UNKL: variants seen among roughly 807,000 people sequenced by gnomAD.
UNKL encodes the protein unk like zinc finger.
Under a neutral mutation model 78.0 loss-of-function variants are expected in UNKL, and 60 were observed. The ratio of observed to expected loss-of-function variants is 0.77; its 90% CI spans 0.63 to 0.95. The LOEUF (loss-of-function observed/expected upper bound fraction) is 0.95, where lower values mean the gene tolerates loss of function less well. Among genes scored for constraint, UNKL ranks in the 40% least tolerant of loss-of-function variants. UNKL has a pLI of 0.00. For synonymous variants in UNKL, 608 were observed against 474.8 expected, an observed-to-expected ratio of 1.28 and a Z score of -3.65; for missense variants, 1,159 against 1,045.7, an observed-to-expected ratio of 1.11 and a Z score of -1.49.
intron 6 of UNKL, chr16:1,394,452 G>A (rs1250975514): frequency 1.5e-6 from 1 of 680,258 alleles, no homozygotes. Context: ...CGCAGCATCT[G>A]CCCTCCCATC....
rs2036851706 is a variant in UNKL, at chr16:1,387,196, C to G, written c.1087-1811G>C. On this transcript the variant is annotated intron_variant, in intron 9 of 14. Coordinates refer to ENST00000389221, the MANE Select transcript of UNKL (RefSeq NM_001372107.1). This position sits in a 1 kb window ranked among gnomAD's most constrained non-coding sequence, Gnocchi z 4.1. ...CGGGGACCCTCCCAGCCATGCAACA[C>G]CGGGGACACTCCCAGCCATGCAACA... Among the ~76,000 whole-genome samples, 1 of 151,570 alleles carries G rather than the reference C, an allele frequency of 6.6e-6. No homozygotes were observed. Among genetic ancestry groups the G allele is most frequent in the African/African-American group, 2.4e-5 (1 of 40,996 alleles).
intron 10 of UNKL, among the ~76,000 whole-genome samples, chr16:1,377,506 C>CA (rs1314232034): frequency 6.6e-6 from 1 of 152,058 alleles, no homozygotes; most frequent in Non-Finnish European, 1.5e-5. Flanking sequence ...CCTCTGCCTC[C>CA]ACTCCCCCTG....
At chr16:1,411,631 C>G (rs1230115430) in intron 2 of UNKL, among the ~76,000 whole-genome samples, 1 of 152,128 alleles carries the variant, frequency 6.6e-6, no homozygotes, top group African/African-American at 2.4e-5. Context: ...TCAAGACCAG[C>G]CTGACCAACA....
In UNKL at chr16:1,371,678, G is replaced by A. The variant is rs187661112; in HGVS notation, c.1265-67C>T. ...TGCAGAGCTCAGGAAGCCTAGCTGA[G>A]GAGGACGACCGTCCCACCTGGGCTT... is the stretch of plus-strand genomic sequence containing the variant. On this transcript the variant is annotated intron_variant, in intron 10 of 14. Coordinates refer to ENST00000389221, the MANE Select transcript of UNKL (RefSeq NM_001372107.1). The A allele has an allele frequency of 1.6e-5, 24 of 1,487,458 alleles. No individual in the cohort carries two copies. The African/African-American group carries it at 2.2e-4, about 14-fold the overall frequency. 92.1% of individuals were successfully genotyped at this position (1,487,458 alleles called of 1,614,324 possible).
chr16:1,404,305 G>A (rs573599375), intron 2 of UNKL, among the ~76,000 whole-genome samples: 6 of 152,256 alleles, frequency 3.9e-5, no homozygotes, highest in South Asian at 4.2e-4. Context: ...TGAGGGCCCC[G>A]CCCACCTCAC....
chr16:1,381,494 C>G (rs942606022), intron 10 of UNKL, among the ~76,000 whole-genome samples: 1 of 152,144 alleles, frequency 6.6e-6, no homozygotes, highest in East Asian at 1.9e-4. Context: ...ATGGCACACA[C>G]CTGTAATCCC....
At chr16:1,406,838 T>C (rs2037786026) in intron 2 of UNKL, among the ~76,000 whole-genome samples, 2 of 152,060 alleles carry the variant, frequency 1.3e-5, no homozygotes, top group Admixed American at 6.6e-5. Context: ...GATCTTTTAA[T>C]AGAAAGATCA....
intron 2 of UNKL, among the ~76,000 whole-genome samples, chr16:1,406,470 C>T (rs2142245644): frequency 6.6e-6 from 1 of 152,258 alleles, no homozygotes; most frequent in South Asian, 2.1e-4. Flanking sequence ...GCCTTGGCAT[C>T]CCAAAGTGCT....
At chr16:1,413,722 T>C (rs2038152603) in intron 2 of UNKL, 124 bp downstream of exon 2, 4 of 1,112,930 alleles carry the variant, frequency 3.6e-6, no homozygotes, top group Non-Finnish European at 5.0e-6. Context: ...CAGCGTATAA[T>C]TACGACTCCC....
Position 1,401,692 on chromosome 16 carries a change from C to T in UNKL, c.474G>A (p.Gln158=). The T allele has an allele frequency of 2.5e-6, 4 of 1,609,444 alleles. No individual in the cohort carries two copies. The highest frequency in any genetic ancestry group is 3.4e-6 in the Non-Finnish European group (4 of 1,178,594). ...GGCCGTTCTGCAAGGCTTCCTGGGC[C>T]TGCAGCTCCCTGCAAGCCGAGGACA... The part of the protein sequence containing the change: ...RPPVCDVREL[Q]AQEALQNGQL... Residue 158 remains glutamine, a synonymous_variant, in exon 4 of 15, where the codon CAG becomes CAA. Transcript: ENST00000389221.
intron 4 of UNKL, among the ~76,000 whole-genome samples, chr16:1,400,268 A>G (rs1291083061): frequency 1.3e-5 from 2 of 151,806 alleles, no homozygotes; most frequent in African/African-American, 2.4e-5. Context: ...AAAATAAAAA[A>G]TTAGCCGGGC....
rs764648761 is a variant in UNKL at position 1,371,651 on chromosome 16, G to A, written c.1265-40C>T. 61 of 1,527,874 alleles carry A rather than the reference G, an allele frequency of 4.0e-5. 1 individual carries two copies. In the South Asian group the frequency reaches 4.7e-4, roughly 12 times the overall value. The allele number at this position is 1,527,874 out of a possible 1,614,324, so 94.6% of individuals were successfully genotyped here. A position where few individuals can be genotyped will look rare whatever the true frequency, so the allele number is the denominator to read the frequency against. On this transcript the variant is annotated intron_variant, in intron 10 of 14. Coordinates refer to ENST00000389221, the MANE Select transcript of UNKL (RefSeq NM_001372107.1). Reference sequence around the variant, plus strand: ...CCCCATCATCCACAGCCCACCCAGCGCTGCAGAGCTCAGGAAGCCTAGCTG... The same window carrying A: ...CCCCATCATCCACAGCCCACCCAGCACTGCAGAGCTCAGGAAGCCTAGCTG...
intron 10 of UNKL, among the ~76,000 whole-genome samples, chr16:1,378,549 CA>C (rs1230832637): frequency 6.6e-6 from 1 of 152,222 alleles, no homozygotes; most frequent in African/African-American, 2.4e-5. Context: ...AAGCTTCACC[CA>C]CCAGCTGCAG....
chr16:1,394,583 C>G (rs1396639957), intron 6 of UNKL: 1 of 456,240 alleles, frequency 2.2e-6, no homozygotes, highest in Non-Finnish European at 4.4e-6. Context: ...GTTCCCTGAT[C>G]AGACCCACTG....
chr16:1,372,998 A>G (rs1449266276), intron 10 of UNKL, among the ~76,000 whole-genome samples: 1 of 11,302 alleles, frequency 8.8e-5, no homozygotes, highest in Non-Finnish European at 1.3e-4. Context: ...GGGGCACACC[A>G]CACAGGGACT....
intron 14 of UNKL, 86 bp from the exon 15 acceptor site, chr16:1,366,481 T>C: frequency 7.0e-7 from 1 of 1,426,062 alleles, no homozygotes; most frequent in Non-Finnish European, 9.2e-7. Context: ...CGGGCAGGAC[T>C]CAGCATCTCA....
chr16:1,381,989 G>A (rs1016575112), intron 10 of UNKL, among the ~76,000 whole-genome samples: 11 of 152,292 alleles, frequency 7.2e-5, no homozygotes, highest in East Asian at 3.9e-4. Flanking sequence ...AGGGAAGGCC[G>A]TCACCTGTGG....
At chr16:1,367,531 C>T (rs1482037765) in intron 13 of UNKL, 125 bp downstream of exon 13, 6 of 882,476 alleles carry the variant, frequency 6.8e-6, no homozygotes, top group Non-Finnish European at 9.6e-6. Flanking sequence ...GTCTCACCCC[C>T]CACACGCTCA....
chr16:1,366,001 G>T lies in UNKL; in HGVS notation c.*239C>A. ...CGGGTTCTGTGGGTTTGCATTTAAG[G>T]TTTTTGAGGAAAATACCTTGAAACC... On this transcript the variant is annotated 3_prime_UTR_variant, in exon 15 of 15. Transcript: ENST00000389221. 2.3e-6 allele frequency: 1 copy of T among 435,356 alleles called. No individual in the cohort carries two copies. The highest frequency in any genetic ancestry group is 4.0e-6 in the Non-Finnish European group (1 of 252,428). 27.0% of individuals were successfully genotyped at this position (435,356 alleles called of 1,614,324 possible). A position where few individuals can be genotyped will look rare whatever the true frequency, so the allele number is the denominator to read the frequency against.
Sources: allele counts gnomAD v4.1 joint callset (sites outside exome capture counted in the v4.1 genomes callset), GRCh38; gene constraint gnomAD v4.1.1; non-coding constraint Gnocchi (gnomAD v3.1); transcripts MANE v1.5; gene names NCBI Gene and HGNC (gene_info 2026-07-23, HGNC 2026-07-21).